PARM1: variants seen among roughly 807,000 people sequenced by gnomAD.
The protein encoded by PARM1 is WSC4, cell wall integrity and stress response component 4 homolog.
A neutral mutation model predicts 24.6 loss-of-function variants in PARM1; 14 were observed. The observed-to-expected ratio is 0.57, with a 90% confidence interval of 0.38 to 0.89. PARM1 has a LOEUF of 0.89. Ranked by LOEUF, PARM1 falls within the 40% of genes least tolerant of loss-of-function variation. The pLI is 0.00. For synonymous variants in PARM1, 179 were observed against 156.6 expected, an observed-to-expected ratio of 1.14 and a Z score of -1.07; for missense variants, 362 against 380.4, an observed-to-expected ratio of 0.95 and a Z score of 0.40.
intron 3 of PARM1, among the ~76,000 whole-genome samples, chr4:75,039,569 C>G (rs1163484978): frequency 1.3e-5 from 2 of 151,956 alleles, no homozygotes; most frequent in Non-Finnish European, 2.9e-5. Context: ...TGGGTCTCAT[C>G]CCCATAGATT....
In PARM1 at chr4:74,995,177, T is replaced by C. The variant is rs181547372; in HGVS notation, c.44-17248T>C. ...GTTGGATTAAGGATTTGGGGCTTAA[T>C]TGGGAGCCTTATAAGATTTGAAAAA... On this transcript the variant is annotated intron_variant, in intron 1 of 3. Coordinates refer to ENST00000307428, the MANE Select transcript of PARM1 (RefSeq NM_015393.4). Among the ~76,000 whole-genome samples, 235 of 152,296 alleles carry C rather than the reference T, an allele frequency of 1.5e-3. 1 individual carries two copies. The highest frequency in any genetic ancestry group is 3.4e-3 in the Middle Eastern group (1 of 294).
chr4:74,936,724 G>A (rs977162706), intron 1 of PARM1, among the ~76,000 whole-genome samples: 3 of 151,988 alleles, frequency 2.0e-5, no homozygotes, highest in African/African-American at 7.2e-5. Flanking sequence ...CAAAGTGCTA[G>A]GATTACAGGT....
intron 1 of PARM1, among the ~76,000 whole-genome samples, chr4:74,964,603 TTTA>T (rs1185242009): frequency 6.6e-6 from 1 of 151,220 alleles, no homozygotes; most frequent in Non-Finnish European, 1.5e-5. Context: ...TGATCTTTTG[TTTA>T]TGATTCTCTT....
intron 1 of PARM1, among the ~76,000 whole-genome samples, chr4:74,979,266 A>G (rs909910575): frequency 6.6e-6 from 1 of 152,154 alleles, no homozygotes; most frequent in Non-Finnish European, 1.5e-5. Context: ...AACACAATAA[A>G]AAATGATAAA....
At chr4:75,018,703 C>T (rs371926778) in intron 2 of PARM1, among the ~76,000 whole-genome samples, 2 of 152,160 alleles carry the variant, frequency 1.3e-5, no homozygotes, top group South Asian at 2.1e-4. Context: ...ATTGGGCTAG[C>T]GACTGACACA....
intron 1 of PARM1, among the ~76,000 whole-genome samples, chr4:74,946,200 G>A (rs1468204446): frequency 6.6e-6 from 1 of 152,172 alleles, no homozygotes; most frequent in Admixed American, 6.5e-5. Context: ...CAGTAGATAA[G>A]TAACAGAACT....
intron 3 of PARM1, among the ~76,000 whole-genome samples, chr4:75,040,453 A>T (rs1053595941): frequency 1.3e-5 from 2 of 152,206 alleles, no homozygotes; most frequent in Admixed American, 1.3e-4. Flanking sequence ...AAAAAAAAGG[A>T]TTTTAAAAAT....
intron 2 of PARM1, among the ~76,000 whole-genome samples, chr4:75,018,538 A>T (rs963327357): frequency 2.0e-5 from 3 of 152,132 alleles, no homozygotes; most frequent in African/African-American, 7.2e-5. Context: ...CTCTAACTTA[A>T]AAGGCTCTTG....
At chr4:74,994,158 T>G (rs899571350) in intron 1 of PARM1, 2 of 152,116 alleles carry the variant, frequency 1.3e-5, no homozygotes, top group Admixed American at 1.3e-4. Flanking sequence ...GAGCAAAGAA[T>G]GCCTTTTGAA....
intron 1 of PARM1, among the ~76,000 whole-genome samples, chr4:74,944,830 C>T (rs1419794786): frequency 1.3e-5 from 2 of 152,168 alleles, no homozygotes; most frequent in African/African-American, 4.8e-5. Context: ...TAAGAAACAG[C>T]TGTCTCTTGT....
At chr4:74,953,266 G>A (rs1204625263) in intron 1 of PARM1, among the ~76,000 whole-genome samples, 3 of 152,112 alleles carry the variant, frequency 2.0e-5, no homozygotes, top group Non-Finnish European at 2.9e-5. Context: ...TACTTAAATA[G>A]TTCTGCTTAT....
At position 74,994,739 on chromosome 4, in the gene PARM1, G is replaced by C. The variant is rs112541056; in HGVS notation, c.44-17686G>C. Among the ~76,000 whole-genome samples the C allele has an allele frequency of 8.1e-3, 1,236 of 151,900 alleles. 19 individuals are homozygous for C. Among genetic ancestry groups the C allele is most frequent in the African/African-American group, 0.028 (1,152 of 41,402 alleles). ...ACCCAGGAAGCAAAGGTTGCAATGA[G>C]CTGAGATCACACCAGTGCACTCCAG... On this transcript the variant is annotated intron_variant, in intron 1 of 3. Coordinates refer to ENST00000307428, the MANE Select transcript of PARM1 (RefSeq NM_015393.4).
At chr4:74,941,199 A>G (rs1015474237) in intron 1 of PARM1, among the ~76,000 whole-genome samples, 19 of 152,218 alleles carry the variant, frequency 1.2e-4, no homozygotes, top group Non-Finnish European at 2.6e-4. Context: ...TGTTGATGGA[A>G]ATGACATTCA....
At position 74,950,158 on chromosome 4, in the gene PARM1, A is replaced by G. The variant is rs116068826; in HGVS notation, c.43+16788A>G. Among the ~76,000 whole-genome samples the G allele has an allele frequency of 3.4e-3, 523 of 152,306 alleles. 1 individual carries two copies. The highest frequency in any genetic ancestry group is 4.7e-3 in the Non-Finnish European group (320 of 68,024). ...ATGCCAACTTGCCAAGCTTTGGATA[A>G]ATATAGATTAGCTATTGTCTGGGTT... On this transcript the variant is annotated intron_variant, in intron 1 of 3. Coordinates refer to ENST00000307428, the MANE Select transcript of PARM1 (RefSeq NM_015393.4).
chr4:75,045,950 C>T (rs1337392491), intron 3 of PARM1, among the ~76,000 whole-genome samples: 1 of 152,126 alleles, frequency 6.6e-6, no homozygotes, highest in African/African-American at 2.4e-5. Flanking sequence ...ACAGAACATG[C>T]CAGTCAGGAT....
chr4:75,010,846 G>C (rs1231535200), intron 1 of PARM1, among the ~76,000 whole-genome samples: 2 of 152,196 alleles, frequency 1.3e-5, no homozygotes, highest in Non-Finnish European at 2.9e-5. Flanking sequence ...AGTTGTGTTT[G>C]CATTGCTATA....
chr4:74,976,292 G>A lies in PARM1; in HGVS notation c.44-36133G>A, dbSNP rs78991848. Among the ~76,000 whole-genome samples the A allele has an allele frequency of 1.0e-2, 1,522 of 152,306 alleles. 32 individuals are homozygous for A. Among genetic ancestry groups the A allele is most frequent in the African/African-American group, 0.035 (1,465 of 41,558 alleles). On this transcript the variant is annotated intron_variant, in intron 1 of 3. Transcript: ENST00000307428. ...GGTGCCAGGGAAGCTGGGCAGTTTG[G>A]ACTGGGAGGAATTCCCACAGTGCAG...
intron 2 of PARM1, among the ~76,000 whole-genome samples, chr4:75,025,261 A>T (rs191433496): frequency 2.0e-5 from 3 of 152,212 alleles, no homozygotes; most frequent in Admixed American, 1.3e-4. Context: ...ACTCCTTTTG[A>T]TCTGGGGAGC....
At chr4:74,935,392 C>A (rs1190748358) in intron 1 of PARM1, among the ~76,000 whole-genome samples, 1 of 152,098 alleles carries the variant, frequency 6.6e-6, no homozygotes, top group Non-Finnish European at 1.5e-5. Context: ...GGCATAAATA[C>A]CTCATGAGAT....
Sources: allele counts gnomAD v4.1 joint callset (sites outside exome capture counted in the v4.1 genomes callset), GRCh38; gene constraint gnomAD v4.1.1; transcripts MANE v1.5; gene names NCBI Gene and HGNC (gene_info 2026-07-23, HGNC 2026-07-21).